Variants in INTS4 observed in about 807,000 individuals in gnomAD.
INTS4 encodes integrator complex subunit 4, also known as MSTP093.
INTS4 carries 70 observed loss-of-function variants against 119.5 expected under a neutral mutation model. The ratio of observed to expected loss-of-function variants is 0.59; its 90% CI spans 0.48 to 0.71. The LOEUF (loss-of-function observed/expected upper bound fraction) is 0.71, where lower values mean the gene tolerates loss of function less well. Among genes scored for constraint, INTS4 ranks in the 30% least tolerant of loss-of-function variants. INTS4 has a pLI of 0.00. For missense variants in INTS4, 867 were observed against 1,173.2 expected, an observed-to-expected ratio of 0.74 and a Z score of 3.81; for synonymous variants, 316 against 419.6, an observed-to-expected ratio of 0.75 and a Z score of 3.02.
intron 10 of INTS4, among the ~76,000 whole-genome samples, chr11:77,932,758 T>C (rs1056732877): frequency 3.9e-5 from 6 of 152,026 alleles, no homozygotes; most frequent in Non-Finnish European, 7.4e-5. Context: ...ATATACACCA[T>C]GGAATACCAC....
At chr11:77,917,062 T>C (rs138819913) in intron 15 of INTS4, among the ~76,000 whole-genome samples, 3,652 of 152,306 alleles carry the variant, frequency 0.024, 99 homozygotes, top group African/African-American at 0.069. Flanking sequence ...CAGGAAAGCA[T>C]GAACAAAGTA....
intron 3 of INTS4, among the ~76,000 whole-genome samples, chr11:77,981,066 C>T (rs1198868201): frequency 6.6e-6 from 1 of 151,544 alleles, no homozygotes; most frequent in Non-Finnish European, 1.5e-5. Context: ...TGAAATAATC[C>T]TTTTAGAAAG....
intron 14 of INTS4, among the ~76,000 whole-genome samples, chr11:77,919,469 A>G (rs1953286641): frequency 6.6e-6 from 1 of 152,146 alleles, no homozygotes; most frequent in Non-Finnish European, 1.5e-5. Context: ...TATTTTTAGT[A>G]GAGACAGGGT....
chr11:77,961,810 GTTAC>G (rs1307878844), intron 4 of INTS4, among the ~76,000 whole-genome samples: 1 of 152,094 alleles, frequency 6.6e-6, no homozygotes, highest in African/African-American at 2.4e-5. Context: ...ATTTATTCTT[GTTAC>G]TTATATAGTA....
At chr11:77,887,800 C>G (rs1391736433) in intron 21 of INTS4, among the ~76,000 whole-genome samples, 2 of 152,214 alleles carry the variant, frequency 1.3e-5, no homozygotes, top group Non-Finnish European at 2.9e-5. Flanking sequence ...AGAGCCAAAT[C>G]ATGAGTGAAC....
chr11:77,950,861 A>C (rs1245753858), intron 8 of INTS4, among the ~76,000 whole-genome samples: 2 of 134,628 alleles, frequency 1.5e-5, no homozygotes, highest in Admixed American at 1.5e-4. Context: ...TCCTAATGCT[A>C]TCCCTCCCCC....
At chr11:77,965,778 A>C (rs1215064135) in intron 4 of INTS4, among the ~76,000 whole-genome samples, 1 of 152,248 alleles carries the variant, frequency 6.6e-6, no homozygotes, top group East Asian at 1.9e-4. Context: ...ATACTGCTGC[A>C]ATCAACATTG....
Position 77,907,767 on chromosome 11 carries a change from C to T in INTS4, c.1966G>A (p.Val656Ile), listed in dbSNP as rs2136455813. 4 of 1,613,922 alleles carry T rather than the reference C, an allele frequency of 2.5e-6. No individual in the cohort carries two copies. Among genetic ancestry groups the T allele is most frequent in the East Asian group, 4.5e-5 (2 of 44,862 alleles). Reference sequence around the variant, plus strand: ...AGATAGGTGGCAGAGAAATCAGCTACTCCTGCCAATTCAGATTGAAGTTCT... The same window carrying T: ...AGATAGGTGGCAGAGAAATCAGCTATTCCTGCCAATTCAGATTGAAGTTCT... Reference protein sequence around the residue: ...LGELQSELAGVADFSATYLRC... With the variant: ...LGELQSELAGIADFSATYLRC... The change falls in exon 16 of 23, where the codon GTA becomes ATA. Residue 656 changes from valine to isoleucine, a missense_variant. Transcript: ENST00000534064.
At chr11:77,992,577 C>A (rs763817702) in intron 1 of INTS4, among the ~76,000 whole-genome samples, 41 of 152,068 alleles carry the variant, frequency 2.7e-4, no homozygotes, top group Non-Finnish European at 5.1e-4. Flanking sequence ...TCCTTACCAC[C>A]TAATGGTGCG....
intron 21 of INTS4, among the ~76,000 whole-genome samples, chr11:77,884,401 G>A (rs1214603219): frequency 3.9e-5 from 6 of 152,184 alleles, no homozygotes; most frequent in Middle Eastern, 3.4e-3. Context: ...CTCTCTCTAC[G>A]GAGAGACGGC....
intron 21 of INTS4, among the ~76,000 whole-genome samples, chr11:77,889,439 TA>T (rs1440741774): frequency 2.0e-5 from 3 of 151,902 alleles, no homozygotes; most frequent in African/African-American, 7.3e-5. Context: ...GAGATATACC[TA>T]ATGCTAGATG....
Position 77,991,263 on chromosome 11 carries a change from T to G in INTS4, c.91A>C (p.Thr31Pro). Residue 31 changes from threonine (T) to proline (P), a missense_variant, in exon 2 of 23, where the codon ACA becomes CCA. This residue lies in a region of INTS4 where 224 missense variants were observed against 231.8 expected (regional missense o/e 0.97). Transcript: ENST00000534064. ...AGTGCTGCAGATTTACTTGGTTTTG[T>G]TAGTCGGAGTTTCTTAGTAGCAATT... ...EEIATKKLRL[T>P]KPSKSAALHI... 1 of 1,613,968 alleles carries G rather than the reference T, an allele frequency of 6.2e-7. No homozygotes were observed.
At chr11:77,984,670 G>A (rs576723483) in intron 2 of INTS4, among the ~76,000 whole-genome samples, 1 of 151,890 alleles carries the variant, frequency 6.6e-6, no homozygotes, top group Non-Finnish European at 1.5e-5. Context: ...CACATGAACT[G>A]CACACTTAAA....
intron 8 of INTS4, among the ~76,000 whole-genome samples, chr11:77,949,556 G>A (rs1382234594): frequency 6.8e-6 from 1 of 146,912 alleles, no homozygotes; most frequent in Admixed American, 6.8e-5. Flanking sequence ...AGTGGGTGAA[G>A]GATATGAACA....
chr11:77,981,977 ACCT>A (rs1326908689), intron 2 of INTS4, among the ~76,000 whole-genome samples: 1 of 151,900 alleles, frequency 6.6e-6, no homozygotes, highest in Non-Finnish European at 1.5e-5. Context: ...AAAGCACCTG[ACCT>A]CCACTGAGTA....
intron 4 of INTS4, among the ~76,000 whole-genome samples, chr11:77,976,216 G>A (rs1855944689): frequency 6.6e-6 from 1 of 152,166 alleles, no homozygotes; most frequent in Non-Finnish European, 1.5e-5. Flanking sequence ...ATAATGCAGT[G>A]AAACTAGGAA....
intron 4 of INTS4, among the ~76,000 whole-genome samples, chr11:77,961,685 T>C (rs1352112915): frequency 2.0e-5 from 3 of 152,194 alleles, no homozygotes; most frequent in Admixed American, 1.3e-4. Context: ...TCCTGACTTC[T>C]AACACACAGG....
At chr11:77,876,927 T>C (rs616354), downstream of INTS4, 233,793 of 702,140 alleles carry the variant, frequency 0.33, 40,782 homozygotes, top group East Asian at 0.49. Context: ...GCAGCAGCCA[T>C]GGTTCTTCAT....
chr11:77,952,284 G>A (rs564219789), intron 8 of INTS4, among the ~76,000 whole-genome samples: 2 of 152,254 alleles, frequency 1.3e-5, no homozygotes, highest in East Asian at 1.9e-4. Flanking sequence ...AGGATTATAC[G>A]TGGGCTTTAG....
Sources: gnomAD v4.1 joint callset for allele counts (sites outside exome capture counted in the v4.1 genomes callset) on GRCh38, gnomAD v4.1.1 for gene constraint, gnomAD v4.1.1 regional missense constraint, MANE v1.5 for transcripts, NCBI Gene and HGNC (gene_info 2026-07-23, HGNC 2026-07-21) for gene names.